LHFPL3: variants seen among roughly 807,000 people sequenced by gnomAD.
LHFPL3 encodes LHFPL tetraspan subfamily member 3 protein.
A neutral mutation model predicts 19.3 loss-of-function variants in LHFPL3; 5 were observed. That is an observed-to-expected ratio of 0.26 (90% CI 0.14 to 0.54). The LOEUF (loss-of-function observed/expected upper bound fraction) is 0.54. Ranked by LOEUF, LHFPL3 falls within the 20% of genes least tolerant of loss-of-function variation. The pLI is 0.94. For missense variants in LHFPL3, 249 were observed against 307.4 expected (o/e 0.81, Z 1.42); for synonymous variants, 133 against 126.2 (o/e 1.05, Z -0.36).
At chr7:104,407,353 A>G (rs377420240) in intron 1 of LHFPL3, among the ~76,000 whole-genome samples, 14 of 152,182 alleles carry the variant, frequency 9.2e-5, no homozygotes, top group African/African-American at 3.4e-4. Flanking sequence ...ATGAAGGAAA[A>G]TAACTTTTAA....
intron 1 of LHFPL3, among the ~76,000 whole-genome samples, chr7:104,497,409 A>G (rs41020): frequency 0.14 from 21,982 of 151,842 alleles, 3,234 homozygotes; most frequent in African/African-American, 0.38. Context: ...ATACACACAC[A>G]CAGGTACACA....
intron 1 of LHFPL3, among the ~76,000 whole-genome samples, chr7:104,574,234 A>G (rs1317090996): frequency 6.6e-6 from 1 of 152,196 alleles, no homozygotes; most frequent in Non-Finnish European, 1.5e-5. Flanking sequence ...TCTACTCAGA[A>G]CACCACTGCT....
At chr7:104,580,705 A>G (rs1790444058) in intron 1 of LHFPL3, among the ~76,000 whole-genome samples, 1 of 152,166 alleles carries the variant, frequency 6.6e-6, no homozygotes, top group Admixed American at 6.6e-5. Context: ...ATCGCAGTCA[A>G]TCTCCACCCC....
In LHFPL3 at chr7:104,621,807, T is replaced by C. The variant is rs375025607; in HGVS notation, c.446-114868T>C. Among the ~76,000 whole-genome samples the C allele has an allele frequency of 4.6e-5, 7 of 152,154 alleles. No individual in the cohort carries two copies. The East Asian group carries it at 1.2e-3, about 25-fold the overall frequency. ...CAGGAAGAGATGACTCCTCCACTGA[T>C]AAATAGAGCTTGTAAAACCTTAACT... is the stretch of plus-strand genomic sequence containing the variant. On this transcript the variant is annotated intron_variant, in intron 1 of 2. Transcript: ENST00000424859.
chr7:104,526,264 AAAAG>A (rs1794187372), intron 1 of LHFPL3, among the ~76,000 whole-genome samples: 2 of 152,226 alleles, frequency 1.3e-5, no homozygotes, highest in Admixed American at 1.3e-4. Flanking sequence ...TTGGTTTTCC[AAAAG>A]AAAGAGACAC....
chr7:104,605,919 C>G (rs563156018), intron 1 of LHFPL3, among the ~76,000 whole-genome samples: 1 of 150,926 alleles, frequency 6.6e-6, no homozygotes, highest in Non-Finnish European at 1.5e-5. Flanking sequence ...CGTCTTTTAA[C>G]AGGCACATAT....
intron 1 of LHFPL3, among the ~76,000 whole-genome samples, chr7:104,541,822 A>C (rs1156519462): frequency 6.6e-6 from 1 of 151,952 alleles, no homozygotes; most frequent in Non-Finnish European, 1.5e-5. Flanking sequence ...AAACCCTAGG[A>C]ATTAATGGGA....
At chr7:104,375,111 G>A (rs1391823016) in intron 1 of LHFPL3, among the ~76,000 whole-genome samples, 1 of 152,202 alleles carries the variant, frequency 6.6e-6, no homozygotes, top group Non-Finnish European at 1.5e-5. Flanking sequence ...GGCCAAGGCG[G>A]GCGGATCACT....
chr7:104,572,313 A>G (rs1357080781), intron 1 of LHFPL3, among the ~76,000 whole-genome samples: 1 of 152,222 alleles, frequency 6.6e-6, no homozygotes, highest in Non-Finnish European at 1.5e-5. Flanking sequence ...TTTTAGGCTT[A>G]TCTGTGGTTA....
chr7:104,691,908 T>C (rs924446804), intron 1 of LHFPL3, among the ~76,000 whole-genome samples: 1 of 152,220 alleles, frequency 6.6e-6, no homozygotes, highest in Non-Finnish European at 1.5e-5. Flanking sequence ...GTTGAATGGC[T>C]TTGAGCAAAA....
chr7:104,713,809 A>G (rs1170318771), intron 1 of LHFPL3, among the ~76,000 whole-genome samples: 1 of 152,244 alleles, frequency 6.6e-6, no homozygotes, highest in East Asian at 1.9e-4. Context: ...TTTAAATGCC[A>G]GGAAGGAAAC....
At chr7:104,423,971 T>C (rs1791787258) in intron 1 of LHFPL3, among the ~76,000 whole-genome samples, 1 of 152,200 alleles carries the variant, frequency 6.6e-6, no homozygotes, top group Non-Finnish European at 1.5e-5. Flanking sequence ...GTGGAGAGAA[T>C]GGTCAGGGTA....
At chr7:104,878,896 T>C (rs1791996200) in intron 2 of LHFPL3, among the ~76,000 whole-genome samples, 1 of 152,206 alleles carries the variant, frequency 6.6e-6, no homozygotes, top group Non-Finnish European at 1.5e-5. Flanking sequence ...GTTTGATCTA[T>C]CTAGACAACT....
intron 1 of LHFPL3, among the ~76,000 whole-genome samples, chr7:104,412,108 C>T (rs1791544784): frequency 6.6e-6 from 1 of 152,088 alleles, no homozygotes; most frequent in Non-Finnish European, 1.5e-5. Flanking sequence ...ATGTGGGATT[C>T]AATAAGATCT....
At chr7:104,439,035 C>T (rs1234612616) in intron 1 of LHFPL3, among the ~76,000 whole-genome samples, 2 of 152,034 alleles carry the variant, frequency 1.3e-5, no homozygotes, top group African/African-American at 4.8e-5. Context: ...AAAACTTAAA[C>T]AAGATGAAGT....
chr7:104,684,177 A>G (rs1363667208), intron 1 of LHFPL3, among the ~76,000 whole-genome samples: 2 of 152,208 alleles, frequency 1.3e-5, no homozygotes, highest in African/African-American at 4.8e-5. Flanking sequence ...CTAAAGCCTC[A>G]TCTCCTAAGG....
At chr7:104,709,605 A>C (rs1368948254) in intron 1 of LHFPL3, among the ~76,000 whole-genome samples, 1 of 151,190 alleles carries the variant, frequency 6.6e-6, no homozygotes, top group African/African-American at 2.4e-5. Context: ...AGTACAGAAC[A>C]AAATGGAGTC....
At chr7:104,824,632 ATTATTTTATATAT>A (rs1370465231) in intron 2 of LHFPL3, among the ~76,000 whole-genome samples, 1 of 83,106 alleles carries the variant, frequency 1.2e-5, no homozygotes, top group East Asian at 4.2e-4. Flanking sequence ...TTTTATATAT[ATTATTTTATATAT>A]TATATATAAT....
At chr7:104,720,017 C>G (rs1793457492) in intron 1 of LHFPL3, among the ~76,000 whole-genome samples, 1 of 152,074 alleles carries the variant, frequency 6.6e-6, no homozygotes, top group Admixed American at 6.6e-5. Flanking sequence ...AGATGGGAAC[C>G]AAAATAGCCC....
Sources: gnomAD v4.1 joint callset for allele counts (sites outside exome capture counted in the v4.1 genomes callset) on GRCh38, gnomAD v4.1.1 for gene constraint, MANE v1.5 for transcripts, NCBI Gene and HGNC (gene_info 2026-07-23, HGNC 2026-07-21) for gene names.